CXADR: variants seen among roughly 807,000 people sequenced by gnomAD.
CXADR encodes the protein CXADR cell adhesion molecule, also known as coxsackievirus and adenovirus receptor.
In CXADR, 20 loss-of-function variants were observed where a neutral mutation model predicts 40.3. The observed-to-expected ratio is 0.50, with a 90% confidence interval of 0.35 to 0.72. The LOEUF (loss-of-function observed/expected upper bound fraction) is 0.72. CXADR is among the 30% of genes least tolerant of loss of function. The probability of loss-of-function intolerance (pLI) is 0.01; values close to 1 mark genes in which losing one functional copy is unlikely to be tolerated. For synonymous variants in CXADR, 150 were observed against 161.3 expected (o/e 0.93, Z 0.53); for missense variants, 332 against 449.1 (o/e 0.74, Z 2.36).
chr21:17,605,793 G>C, the CXADR span, among the ~76,000 whole-genome samples: 2 of 152,090 alleles, frequency 1.3e-5, no homozygotes, highest in African/African-American at 4.8e-5. Context: ...GCCTATGAAG[G>C]AAAAGTATTT....
chr21:17,618,034 A>G, the CXADR span, among the ~76,000 whole-genome samples: 2 of 152,170 alleles, frequency 1.3e-5, no homozygotes, highest in Admixed American at 6.5e-5. Flanking sequence ...TAGCATCTTC[A>G]CTAAGAGTAG....
chr21:17,590,611 ATTG>A (rs1175668896), intron 7 of CXADR, among the ~76,000 whole-genome samples: 4 of 151,964 alleles, frequency 2.6e-5, no homozygotes, highest in South Asian at 2.1e-4. Flanking sequence ...ATGCAGGGAT[ATTG>A]TTGTGTTTCC....
intron 7 of CXADR, among the ~76,000 whole-genome samples, chr21:17,584,011 A>AC (rs2061377821): frequency 2.0e-5 from 3 of 152,226 alleles, no homozygotes; most frequent in Non-Finnish European, 1.5e-5. Context: ...AGGCTTGCAT[A>AC]CATAGGACAT....
At chr21:17,575,787 T>G (rs116469515) in intron 7 of CXADR, among the ~76,000 whole-genome samples, 4,800 of 149,058 alleles carry the variant, frequency 0.032, 259 homozygotes, top group African/African-American at 0.11. Flanking sequence ...ATTTTTAAAG[T>G]TAAAAAAAAA....
intron 3 of CXADR, among the ~76,000 whole-genome samples, chr21:17,557,465 A>G (rs936854060): frequency 6.6e-6 from 1 of 152,198 alleles, no homozygotes; most frequent in Non-Finnish European, 1.5e-5. Context: ...GCTCTTGTCC[A>G]GTGGCATTCC....
At chr21:17,536,803 C>T (rs527746231) in intron 1 of CXADR, among the ~76,000 whole-genome samples, 2 of 152,128 alleles carry the variant, frequency 1.3e-5, no homozygotes, top group Non-Finnish European at 2.9e-5. Context: ...GTCTCCTAGG[C>T]TGAAGTGCAG....
intron 1 of CXADR, among the ~76,000 whole-genome samples, chr21:17,541,548 ACT>A (rs769378456): frequency 1.3e-4 from 20 of 148,768 alleles, no homozygotes; most frequent in Middle Eastern, 3.4e-3. Flanking sequence ...TCAGAGCAAG[ACT>A]CTGTCTCAAA....
rs1555872327 is a variant in CXADR, at chr21:17,558,094, T to TAA, written c.416-881_416-880dup. ...ACCTCAGATTTCCTTTTTTTTTTTT[T>TAA]AATTAAATATTCTTTTTTACACATG... On this transcript the variant is annotated intron_variant, in intron 3 of 6. Transcript: ENST00000284878. 8.6e-3 allele frequency among the ~76,000 whole-genome samples: 1,292 copies of TAA among 150,022 alleles called. 9 individuals carry two copies. The highest frequency in any genetic ancestry group is 0.014 in the Non-Finnish European group (961 of 67,398).
At chr21:17,599,982 A>T in the CXADR span, among the ~76,000 whole-genome samples, 36 of 152,196 alleles carry the variant, frequency 2.4e-4, no homozygotes, top group Non-Finnish European at 5.0e-4. Flanking sequence ...TGCTTAAATT[A>T]TATTGCTTAC....
At chr21:17,547,851 T>TA (rs1380514942) in intron 2 of CXADR, among the ~76,000 whole-genome samples, 1 of 152,200 alleles carries the variant, frequency 6.6e-6, no homozygotes, top group African/African-American at 2.4e-5. Context: ...GTCTTAAATT[T>TA]AAAAAATCTT....
chr21:17,535,669 C>T (rs1036898784), intron 1 of CXADR, among the ~76,000 whole-genome samples: 4 of 152,090 alleles, frequency 2.6e-5, no homozygotes, highest in African/African-American at 9.7e-5. Context: ...ATCCCCTTTC[C>T]AAGCAACCGA....
chr21:17,594,064 A>G, downstream of CXADR: 1 of 1,603,820 alleles, frequency 6.2e-7, no homozygotes, highest in Non-Finnish European at 8.5e-7. Flanking sequence ...CTTTTTCTCA[A>G]CATGACACCA....
intron 1 of CXADR, among the ~76,000 whole-genome samples, chr21:17,531,960 G>A (rs919268197): frequency 1.3e-5 from 2 of 150,808 alleles, no homozygotes; most frequent in Non-Finnish European, 3.0e-5. Flanking sequence ...TTGGTGGTGG[G>A]GGACAGGGTC....
the CXADR span, among the ~76,000 whole-genome samples, chr21:17,632,726 G>A: frequency 4.6e-5 from 7 of 152,174 alleles, no homozygotes; most frequent in East Asian, 3.9e-4. Flanking sequence ...AATATTAGCC[G>A]GGCGTGGGGG....
chr21:17,594,335 G>A (rs569694722), downstream of CXADR: 45 of 1,611,930 alleles, frequency 2.8e-5, 1 homozygote, highest in South Asian at 4.8e-4. Flanking sequence ...TCTGAAATCT[G>A]TAGGGAAGAG....
rs11418205 is a variant in CXADR, at chr21:17,567,862, C to CTT, written c.*2180_*2181dup. 10,431 of 790,088 alleles carry CTT rather than the reference C, an allele frequency of 0.013. No individual in the cohort carries two copies. Among genetic ancestry groups the CTT allele is most frequent in the Non-Finnish European group, 0.015 (9,800 of 654,604 alleles). 48.9% of individuals were successfully genotyped at this position (790,088 alleles called of 1,614,324 possible). A position where few individuals can be genotyped will look rare whatever the true frequency, so the allele number is the denominator to read the frequency against. On this transcript the variant is annotated 3_prime_UTR_variant, in exon 7 of 7. Transcript: ENST00000284878. ...GTGGACACGTATAAGACTTTCCTTC[C>CTT]TTTTTTTTTTTAATAACATATGAGG...
chr21:17,608,696 C>CA, the CXADR span: 1 of 333,048 alleles, frequency 3.0e-6, no homozygotes, highest in Non-Finnish European at 5.4e-6. Flanking sequence ...TTGTGATAAA[C>CA]AGAAATGCAC....
At chr21:17,538,223 A>G (rs977062749) in intron 1 of CXADR, among the ~76,000 whole-genome samples, 2 of 151,488 alleles carry the variant, frequency 1.3e-5, no homozygotes, top group African/African-American at 4.9e-5. Flanking sequence ...ATGGTCTCAG[A>G]TCTCCTGACC....
rs550300613 is a variant in CXADR, at chr21:17,560,344, T to C, written c.572-358T>C. Among the ~76,000 whole-genome samples the C allele has an allele frequency of 1.4e-3, 212 of 152,268 alleles. 1 individual carries two copies. The highest frequency in any genetic ancestry group is 5.1e-3 in the Admixed American group (78 of 15,294). On this transcript the variant is annotated intron_variant, in intron 4 of 6. Coordinates refer to ENST00000284878, the MANE Select transcript of CXADR (RefSeq NM_001338.5). Reference sequence around the variant, plus strand: ...TTCTTCCATCTAGGGGGGAATAAAATAGGTTTTGTATGTTTTCCTGCTGCA... The same window carrying C: ...TTCTTCCATCTAGGGGGGAATAAAACAGGTTTTGTATGTTTTCCTGCTGCA...
Sources: gnomAD v4.1 joint callset for allele counts (sites outside exome capture counted in the v4.1 genomes callset) on GRCh38, gnomAD v4.1.1 for gene constraint, MANE v1.5 for transcripts, NCBI Gene and HGNC (gene_info 2026-07-23, HGNC 2026-07-21) for gene names.